PTCD1: variants seen among roughly 807,000 people sequenced by gnomAD.
PTCD1 encodes pentatricopeptide repeat domain 1.
A neutral mutation model predicts 53.4 loss-of-function variants in PTCD1; 50 were observed. The ratio of observed to expected loss-of-function variants is 0.94; its 90% CI spans 0.75 to 1.19. PTCD1 has a LOEUF of 1.19. Ranked by LOEUF, PTCD1 falls within the 50% of genes most tolerant of loss-of-function variation. The probability of loss-of-function intolerance (pLI) is 0.00; values close to 1 mark genes in which losing one functional copy is unlikely to be tolerated. For missense variants in PTCD1, 918 were observed against 904.8 expected, an observed-to-expected ratio of 1.01 and a Z score of -0.19; for synonymous variants, 413 against 394.8, an observed-to-expected ratio of 1.05 and a Z score of -0.55.
At chr7:99,436,422 C>G (rs942102630) in intron 1 of PTCD1, among the ~76,000 whole-genome samples, 5 of 152,198 alleles carry the variant, frequency 3.3e-5, no homozygotes, top group African/African-American at 1.2e-4. Context: ...GAGTTCGAGA[C>G]CAGCCTGACG....
intron 4 of PTCD1, 82 bp from the exon 5 acceptor site, chr7:99,429,286 T>A: frequency 6.5e-7 from 1 of 1,544,786 alleles, no homozygotes; most frequent in Non-Finnish European, 8.9e-7. Context: ...CCTGGCACAT[T>A]GGGAGGCCAA....
At position 99,435,245 on chromosome 7, in the gene PTCD1, C is replaced by A; in HGVS notation, c.-3G>T. On this transcript the variant is annotated 5_prime_UTR_variant, in exon 2 of 8. Transcript: ENST00000292478. ...CGAGCGAGTCTCACGAAGTCCATTT[C>A]TGGCTTTCCTGTCCCTCCAGGGCCT... 6.2e-7 allele frequency: 1 copy of A among 1,601,384 alleles called. No individual in the cohort carries two copies.
chr7:99,428,481 C>T (rs543469378), intron 5 of PTCD1, among the ~76,000 whole-genome samples: 85 of 151,572 alleles, frequency 5.6e-4, no homozygotes, highest in Non-Finnish European at 1.0e-3. Flanking sequence ...GTGGTTCACA[C>T]CTGTAATCCC....
Position 99,424,871 on chromosome 7 carries a change from T to C in PTCD1, c.1661A>G (p.Asn554Ser), listed in dbSNP as rs764526873. The stretch of plus-strand genomic sequence containing the variant: ...GGCCAGGTTGCAGAATGTCTGCAGG[T>C]TGGGGACGAGGCCCCTCTTTGCCAG... ...PVLAKRGLVPNLQTFCNLAIG... is the reference protein window; with the variant it reads ...PVLAKRGLVPSLQTFCNLAIG... The change falls in exon 6 of 8, where the codon AAC becomes AGC. Residue 554 changes from asparagine (N) to serine (S), a missense_variant. Transcript: ENST00000292478. 3 of 1,614,222 alleles carry C rather than the reference T, an allele frequency of 1.9e-6. No individual in the cohort carries two copies. The highest frequency in any genetic ancestry group is 1.1e-5 in the South Asian group (1 of 91,084).
rs2150950035 is a variant in PTCD1, at chr7:99,425,151, G to C, written c.1381C>G (p.Pro461Ala). 1 of 1,613,986 alleles carries C rather than the reference G, an allele frequency of 6.2e-7. No homozygotes were observed. Among genetic ancestry groups the C allele is most frequent in the Non-Finnish European group, 8.5e-7 (1 of 1,179,946 alleles). The change falls in exon 6 of 8, where the codon CCA becomes GCA. Residue 461 changes from proline to alanine, a missense_variant. Physicochemically the swap from Pro to Ala is conservative, Grantham distance 27. Coordinates refer to ENST00000292478, the MANE Select transcript of PTCD1 (RefSeq NM_015545.4). Reference protein sequence around the residue: ...TVVSFGTVTTPADRLALIGGL... With the variant: ...TVVSFGTVTTAADRLALIGGL... ...CCTATCAAGGCCAGCCGGTCAGCTG[G>C]GGTGGTCACCGTTCCAAAGGAGACC...
At chr7:99,430,330 G>A (rs897797791) in intron 3 of PTCD1, among the ~76,000 whole-genome samples, 2 of 152,208 alleles carry the variant, frequency 1.3e-5, no homozygotes, top group African/African-American at 4.8e-5. Context: ...CACAAGCCCC[G>A]GAGCTGAGTG....
At chr7:99,420,623 C>T (rs555813897) in intron 7 of PTCD1, among the ~76,000 whole-genome samples, 2 of 152,258 alleles carry the variant, frequency 1.3e-5, no homozygotes, top group South Asian at 4.1e-4. Context: ...ACCAAAAAAG[C>T]CAAAAAGTGC....
At chr7:99,421,597 C>A (rs1176633909) in intron 7 of PTCD1, among the ~76,000 whole-genome samples, 141 of 138,242 alleles carry the variant, frequency 1.0e-3, no homozygotes, top group South Asian at 8.8e-4. Context: ...AAAAAAAAAA[C>A]CACAAAAATT....
intron 7 of PTCD1, among the ~76,000 whole-genome samples, chr7:99,423,077 C>CTTT (rs549528622): frequency 7.1e-6 from 1 of 140,310 alleles, no homozygotes; most frequent in Non-Finnish European, 1.5e-5. Context: ...CTCTTAACCT[C>CTTT]TTTTTTTTTT....
At chr7:99,430,870 G>A (rs558156238) in intron 3 of PTCD1, among the ~76,000 whole-genome samples, 27 of 152,240 alleles carry the variant, frequency 1.8e-4, no homozygotes, top group African/African-American at 5.8e-4. Flanking sequence ...TCAGGAGTTC[G>A]AGACCAGCCT....
At position 99,425,314 on chromosome 7, in the gene PTCD1, C is replaced by A. The variant is rs145992358; in HGVS notation, c.1218G>T (p.Val406=). 6 of 1,614,138 alleles carry A rather than the reference C, an allele frequency of 3.7e-6. No individual in the cohort carries two copies. Among genetic ancestry groups the A allele is most frequent in the East Asian group, 2.2e-5 (1 of 44,886 alleles). Reference sequence around the variant, plus strand: ...CCACCTCTGGTTGGGCCTTGCCGGGCACTCTGGCTTCCGGAGGCTCTGGAG... The same window carrying A: ...CCACCTCTGGTTGGGCCTTGCCGGGAACTCTGGCTTCCGGAGGCTCTGGAG... ...LGPPEPPEAR[V]PGKAQPEVDT... is the part of the protein sequence containing the mutation. Residue 406 remains valine, a synonymous_variant, in exon 6 of 8, where the codon GTG becomes GTT. Transcript: ENST00000292478.
intron 3 of PTCD1, among the ~76,000 whole-genome samples, chr7:99,432,096 G>C (rs1018928167): frequency 6.6e-6 from 1 of 152,210 alleles, no homozygotes; most frequent in Non-Finnish European, 1.5e-5. Context: ...TATTGTCCAA[G>C]GTTTCTCCCC....
Position 99,429,199 on chromosome 7 carries a change from G to T in PTCD1, c.819C>A (p.Ile273=). 1 of 1,614,140 alleles carries T rather than the reference G, an allele frequency of 6.2e-7. No individual in the cohort carries two copies. Among genetic ancestry groups the T allele is most frequent in the South Asian group, 1.1e-5 (1 of 91,076 alleles). ...LRMCLDVFKE[I]IHKGHVVTEE... ...CTGTGACCACGTGCCCTTTGTGGAT[G>T]ATTTCCTGGGGGAGGGAACAAAGAC... Residue 273 remains isoleucine (I), a synonymous_variant, in exon 5 of 8, where the codon ATC becomes ATA. Transcript: ENST00000292478.
At chr7:99,431,587 A>G (rs1249067690) in intron 3 of PTCD1, among the ~76,000 whole-genome samples, 4 of 152,136 alleles carry the variant, frequency 2.6e-5, no homozygotes, top group Non-Finnish European at 5.9e-5. Flanking sequence ...AATACAAACA[A>G]AATGAGCCAG....
intron 5 of PTCD1, among the ~76,000 whole-genome samples, chr7:99,426,362 G>A (rs1179746144): frequency 6.6e-6 from 1 of 152,204 alleles, no homozygotes; most frequent in Non-Finnish European, 1.5e-5. Flanking sequence ...ACTGGTTTTT[G>A]TATTATTTTG....
rs764995119 is a variant in PTCD1, at chr7:99,429,662, A to T, written c.739T>A (p.Leu247Met). ...QLQAKNFELN[L>M]KTYHALLKMA... ...TTCAGCAGCGCGTGGTATGTTTTCAAGTTGAGCTCGAAGTTTTTGGCCTGC... is the reference window on the plus strand; with the variant it reads ...TTCAGCAGCGCGTGGTATGTTTTCATGTTGAGCTCGAAGTTTTTGGCCTGC... The change falls in exon 4 of 8, where the codon TTG (leucine) becomes ATG (methionine). Residue 247 changes from leucine to methionine, a missense_variant. Leu to Met is a conservative substitution (Grantham distance 15). Coordinates refer to ENST00000292478, the MANE Select transcript of PTCD1 (RefSeq NM_015545.4). 2 of 1,614,214 alleles carry T rather than the reference A, an allele frequency of 1.2e-6. No homozygotes were observed. Among genetic ancestry groups the T allele is most frequent in the South Asian group, 2.2e-5 (2 of 91,090 alleles).
rs1159522741 is a variant in PTCD1, at chr7:99,427,469, G to A, written c.915+1634C>T. 3.4e-5 allele frequency among the ~76,000 whole-genome samples: 5 copies of A among 147,726 alleles called. No individual in the cohort carries two copies. The East Asian group carries it at 6.1e-4, about 18-fold the overall frequency. On this transcript the variant is annotated intron_variant, in intron 5 of 7. Transcript: ENST00000292478. ...CTCTGCCAGGCCAGCCGCCCCGTCCGGGAGGGAGGTGGGGGGGGTCAGCCC... is the reference window on the plus strand; with the variant it reads ...CTCTGCCAGGCCAGCCGCCCCGTCCAGGAGGGAGGTGGGGGGGGTCAGCCC...
In PTCD1 at chr7:99,419,732, C is replaced by T; in HGVS notation, c.*235G>A. Reference sequence around the variant, plus strand: ...TGTGTGAGGTGACACACAAAGGTAGCTGGAGCTGGAAGTCCCGTGAAGGTG... The same window carrying T: ...TGTGTGAGGTGACACACAAAGGTAGTTGGAGCTGGAAGTCCCGTGAAGGTG... On this transcript the variant is annotated 3_prime_UTR_variant, in exon 8 of 8. Transcript: ENST00000292478. 1.4e-6 allele frequency: 1 copy of T among 725,236 alleles called. No individual in the cohort carries two copies. The highest frequency in any genetic ancestry group is 2.7e-5 in the East Asian group (1 of 37,002). The allele number at this position is 725,236 out of a possible 1,614,324, so 44.9% of individuals were successfully genotyped here. A position where few individuals can be genotyped will look rare whatever the true frequency, so the allele number is the denominator to read the frequency against.
rs1339445977 is a variant in PTCD1, at chr7:99,425,506, C to G, written c.1026G>C (p.Glu342Asp). 1 of 1,612,588 alleles carries G rather than the reference C, an allele frequency of 6.2e-7. No homozygotes were observed. Among genetic ancestry groups the G allele is most frequent in the Non-Finnish European group, 8.5e-7 (1 of 1,179,388 alleles). ...CCTCCTCCCTGGGCTTCAGAAGCAG[C>G]TCTGAGGCCACCTGGGGGTCCCCTA... ...CGLGDPQVAS[E>D]LLLKPREEAT... The change falls in exon 6 of 8, where the codon GAG becomes GAC. Residue 342 changes from glutamate to aspartate, a missense_variant. Physicochemically the swap from Glu to Asp is conservative, Grantham distance 45. Coordinates refer to ENST00000292478, the MANE Select transcript of PTCD1 (RefSeq NM_015545.4).
Sources: gnomAD v4.1 joint callset for allele counts (sites outside exome capture counted in the v4.1 genomes callset) on GRCh38, gnomAD v4.1.1 for gene constraint, MANE v1.5 for transcripts, NCBI Gene and HGNC (gene_info 2026-07-23, HGNC 2026-07-21) for gene names.